Variants in SCIN observed in about 807,000 individuals in gnomAD.
SCIN encodes scinderin, also known as adseverin.
SCIN carries 91 observed loss-of-function variants against 91.8 expected under a neutral mutation model. That is an observed-to-expected ratio of 0.99 (90% CI 0.84 to 1.18). The LOEUF (loss-of-function observed/expected upper bound fraction) is 1.18, where lower values mean the gene tolerates loss of function less well. SCIN is among the 50% of genes most tolerant of loss of function. The pLI is 0.00. For synonymous variants in SCIN, 367 were observed against 312.6 expected (o/e 1.17, Z -1.84); for missense variants, 1,087 against 863.9 (o/e 1.26, Z -3.24).
chr7:12,637,434 T>C (rs997955552), intron 10 of SCIN, among the ~76,000 whole-genome samples: 2 of 151,242 alleles, frequency 1.3e-5, no homozygotes, highest in Non-Finnish European at 2.9e-5. Flanking sequence ...GAGGAAGTGG[T>C]GGAGAGGGAG....
At position 12,651,987 on chromosome 7, in the gene SCIN, C is replaced by G; in HGVS notation, c.2020+86C>G. The G allele has an allele frequency of 1.2e-6, 1 of 832,610 alleles. No individual in the cohort carries two copies. The highest frequency in any genetic ancestry group is 1.7e-5 in the African/African-American group (1 of 57,680). The allele number at this position is 832,610 out of a possible 1,614,324, so 51.6% of individuals were successfully genotyped here. A position where few individuals can be genotyped will look rare whatever the true frequency, so the allele number is the denominator to read the frequency against. ...GCTTGCTCTTTGCCACCATGTCTTA[C>G]AAAAATACATTTCAAAATCAAGAAG... On this transcript the variant is annotated intron_variant, in intron 15 of 15. Coordinates refer to ENST00000297029, the MANE Select transcript of SCIN (RefSeq NM_001112706.3). This position sits in a 1 kb window ranked among gnomAD's most constrained non-coding sequence, Gnocchi z 5.9.
intron 4 of SCIN, among the ~76,000 whole-genome samples, chr7:12,614,033 C>T (rs1783248949): frequency 6.6e-6 from 1 of 152,168 alleles, no homozygotes; most frequent in African/African-American, 2.4e-5. Flanking sequence ...GTCAAAAATA[C>T]ATCTTAACGA....
intron 3 of SCIN, among the ~76,000 whole-genome samples, chr7:12,599,970 T>G (rs1782924739): frequency 6.6e-6 from 1 of 152,252 alleles, no homozygotes; most frequent in Non-Finnish European, 1.5e-5. Flanking sequence ...GGTTGTCTGT[T>G]AACTCTTGAT....
chr7:12,581,692 A>G (rs996763005), intron 3 of SCIN, among the ~76,000 whole-genome samples: 2 of 152,224 alleles, frequency 1.3e-5, no homozygotes, highest in African/African-American at 4.8e-5. Flanking sequence ...ACACTTTTCA[A>G]TTAGCACAAG....
At chr7:12,631,851 G>A (rs1306363446) in intron 9 of SCIN, among the ~76,000 whole-genome samples, 1 of 152,114 alleles carries the variant, frequency 6.6e-6, no homozygotes, top group South Asian at 2.1e-4. Flanking sequence ...GAGATAGACA[G>A]GCATGCAAAT....
At chr7:12,610,788 T>C (rs1465002541) in intron 4 of SCIN, among the ~76,000 whole-genome samples, 1 of 152,166 alleles carries the variant, frequency 6.6e-6, no homozygotes, top group Non-Finnish European at 1.5e-5. Context: ...AACCAGCCTC[T>C]CGAAAAACAA....
At chr7:12,606,197 A>C (rs1783077570) in intron 4 of SCIN, among the ~76,000 whole-genome samples, 2 of 152,172 alleles carry the variant, frequency 1.3e-5, no homozygotes, top group Admixed American at 1.3e-4. Flanking sequence ...TCGTGACTTT[A>C]CAGAGCCCTG....
At position 12,651,437 on chromosome 7, in the gene SCIN, C is replaced by T. The variant is rs1476313711; in HGVS notation, c.1960-404C>T. ...TCTGTTTGCAAGTCCTCTGAACAGC[C>T]ATCTCGAAATATGTCAAAGAAGTGT... On this transcript the variant is annotated intron_variant, in intron 14 of 15. Coordinates refer to ENST00000297029, the MANE Select transcript of SCIN (RefSeq NM_001112706.3). The surrounding 1 kb of genome is among the most constrained non-coding windows in gnomAD (Gnocchi z 5.9). Among the ~76,000 whole-genome samples the T allele has an allele frequency of 6.6e-6, 1 of 152,058 alleles. No homozygotes were observed. Among genetic ancestry groups the T allele is most frequent in the Non-Finnish European group, 1.5e-5 (1 of 68,006 alleles).
intron 3 of SCIN, chr7:12,588,849 G>GGGGGT (rs1782653010): frequency 7.9e-6 from 1 of 127,366 alleles, no homozygotes; most frequent in African/African-American, 3.1e-5. Flanking sequence ...AGGGGGAGGG[G>GGGGGT]TTCTGGTGCA....
At chr7:12,595,834 A>T (rs1470795620) in intron 3 of SCIN, 4 of 152,302 alleles carry the variant, frequency 2.6e-5, no homozygotes, top group Admixed American at 1.3e-4. Flanking sequence ...CTTCAAGAAA[A>T]TGTCTAAAGA....
At chr7:12,595,806 A>G (rs190784663) in intron 3 of SCIN, 1 of 152,254 alleles carries the variant, frequency 6.6e-6, no homozygotes, top group Non-Finnish European at 1.5e-5. Context: ...CATAAGGTAC[A>G]CTGAATGTTG....
At chr7:12,619,995 A>C (rs1015745836) in intron 4 of SCIN, among the ~76,000 whole-genome samples, 1 of 152,056 alleles carries the variant, frequency 6.6e-6, no homozygotes, top group African/African-American at 2.4e-5. Context: ...AAAATTTAAA[A>C]ATAAATTTTA....
chr7:12,642,136 C>G (rs1783870325), intron 11 of SCIN, among the ~76,000 whole-genome samples: 1 of 151,608 alleles, frequency 6.6e-6, no homozygotes, highest in African/African-American at 2.4e-5. Context: ...AGTGATATAT[C>G]AATAAATAAT....
intron 1 of SCIN, 176 bp from the exon 2 acceptor site, chr7:12,577,888 A>C: frequency 1.7e-6 from 1 of 593,568 alleles, no homozygotes; most frequent in Non-Finnish European, 2.8e-6. Flanking sequence ...AAAAATTGTT[A>C]ATTATTAGCA....
At chr7:12,600,352 A>G (rs2115245431) in intron 3 of SCIN, among the ~76,000 whole-genome samples, 1 of 152,288 alleles carries the variant, frequency 6.6e-6, no homozygotes, top group Non-Finnish European at 1.5e-5. Context: ...ACTCAGGGGA[A>G]AGGGTGAGGG....
rs549101242 is a variant in SCIN at position 12,605,174 on chromosome 7, C to T, written c.666+511C>T. ...TCACGCCATTCTCCTGCCTCAGCCT[C>T]CCTAGTAGCTGGGACTACAGGCGCC... On this transcript the variant is annotated intron_variant, in intron 4 of 15. Transcript: ENST00000297029. 1.5e-3 allele frequency among the ~76,000 whole-genome samples: 233 copies of T among 152,184 alleles called. 1 individual carries two copies. The highest frequency in any genetic ancestry group is 4.1e-3 in the African/African-American group (170 of 41,472).
intron 15 of SCIN, among the ~76,000 whole-genome samples, chr7:12,652,256 T>C (rs962352244): frequency 3.9e-5 from 6 of 152,192 alleles, no homozygotes; most frequent in Admixed American, 2.0e-4. Context: ...GGCACAATTT[T>C]CCTTTTACTG....
intron 3 of SCIN, chr7:12,596,380 A>C: frequency 2.2e-6 from 1 of 455,426 alleles, no homozygotes; most frequent in South Asian, 1.5e-5. Context: ...GGTGTGGACC[A>C]TCAGGAAATG....
At chr7:12,614,358 C>T (rs554235020) in intron 4 of SCIN, among the ~76,000 whole-genome samples, 1 of 152,314 alleles carries the variant, frequency 6.6e-6, no homozygotes, top group East Asian at 1.9e-4. Flanking sequence ...CTAACAACTA[C>T]TACCCTGACA....
Sources: allele counts gnomAD v4.1 joint callset (sites outside exome capture counted in the v4.1 genomes callset), GRCh38; gene constraint gnomAD v4.1.1; non-coding constraint Gnocchi (gnomAD v3.1); transcripts MANE v1.5; gene names NCBI Gene and HGNC (gene_info 2026-07-23, HGNC 2026-07-21).